Variants in ZRANB1 observed in about 807,000 individuals in gnomAD.
ZRANB1 encodes the protein zinc finger RANBP2-type containing 1.
In ZRANB1, 16 loss-of-function variants were observed where a neutral mutation model predicts 80.5. The observed-to-expected ratio is 0.20, with a 90% CI of 0.13 to 0.30. The LOEUF (loss-of-function observed/expected upper bound fraction) is 0.30. Ranked by LOEUF, ZRANB1 falls within the 10% of genes least tolerant of loss-of-function variation. The pLI is 1.00. For missense variants in ZRANB1, 576 were observed against 862.6 expected (o/e 0.67, Z 4.16); for synonymous variants, 291 against 293.1 (o/e 0.99, Z 0.07).
At chr10:124,929,889 T>C in the ZRANB1 span, among the ~76,000 whole-genome samples, 1 of 140,920 alleles carries the variant, frequency 7.1e-6, no homozygotes, top group African/African-American at 2.7e-5. Context: ...GAGGTTGCAG[T>C]GAGGTGAGAT....
At chr10:124,951,247 T>A (rs934431189) in intron 1 of ZRANB1, among the ~76,000 whole-genome samples, 4 of 152,140 alleles carry the variant, frequency 2.6e-5, no homozygotes, top group African/African-American at 7.2e-5. Context: ...ATGATTTTTT[T>A]AAAAAAAGTT....
At position 124,985,062 on chromosome 10, in the gene ZRANB1, C is replaced by A; in HGVS notation, c.*70C>A. The A allele has an allele frequency of 3.2e-6, 4 of 1,249,464 alleles. No individual in the cohort carries two copies. The highest frequency in any genetic ancestry group is 4.5e-6 in the Non-Finnish European group (4 of 886,550). 77.4% of individuals were successfully genotyped at this position (1,249,464 alleles called of 1,614,324 possible). On this transcript the variant is annotated 3_prime_UTR_variant, in exon 9 of 9. Transcript: ENST00000359653. ...TGACCCTAAAGTTAGTGTGGTGCTC[C>A]AAGCAGAGTCGACATCATGGAATGA...
At chr10:124,947,151 T>C (rs745843278) in intron 1 of ZRANB1, among the ~76,000 whole-genome samples, 2 of 152,182 alleles carry the variant, frequency 1.3e-5, no homozygotes, top group Admixed American at 6.5e-5. Context: ...TATTATCTTA[T>C]GTGGTGAGAG....
chr10:124,973,485 G>A (rs1431337444), intron 3 of ZRANB1, among the ~76,000 whole-genome samples, 160 bp from the exon 4 acceptor site: 4 of 151,300 alleles, frequency 2.6e-5, no homozygotes, highest in Non-Finnish European at 5.9e-5. Flanking sequence ...TATCACACAT[G>A]TTACACTGGT....
chr10:124,970,492 G>A (rs1310927430), intron 2 of ZRANB1, among the ~76,000 whole-genome samples: 1 of 152,034 alleles, frequency 6.6e-6, no homozygotes, highest in African/African-American at 2.4e-5. Flanking sequence ...GAATTCCTGA[G>A]CTCAAATGAT....
chr10:124,972,323 C>T (rs1476610379), intron 3 of ZRANB1, among the ~76,000 whole-genome samples: 1 of 152,186 alleles, frequency 6.6e-6, no homozygotes, highest in Non-Finnish European at 1.5e-5. Flanking sequence ...GAGAGGAAGA[C>T]AGCAGTTGAT....
In ZRANB1 at chr10:124,983,261, C is replaced by G; in HGVS notation, c.1635C>G (p.Tyr545Ter). 6.2e-7 allele frequency: 1 copy of G among 1,614,066 alleles called. No homozygotes were observed. Residue 545 changes from tyrosine to a stop codon, truncating the protein, a stop_gained, in exon 7 of 9, where the codon TAC becomes TAG. Transcript: ENST00000359653. LOFTEE classifies it high-confidence loss of function. This position sits in a 1 kb window ranked among gnomAD's most constrained non-coding sequence, Gnocchi z 6.2. The stretch of plus-strand genomic sequence containing the variant: ...TTATAGTTTATGGAGTAAAATATTA[C>G]AAGAGTTTCCGGGGAGAAACTTTAG... The part of the protein sequence containing the change: ...RPIIVYGVKY[Y>*]KSFRGETLGY...
rs956396008 is a variant in ZRANB1, at chr10:124,983,013, A to G, written c.1549-162A>G. Among the ~76,000 whole-genome samples, 16 of 152,152 alleles carry G rather than the reference A, an allele frequency of 1.1e-4. No individual in the cohort carries two copies. Among genetic ancestry groups the G allele is most frequent in the African/African-American group, 3.9e-4 (16 of 41,432 alleles). ...CTTTATAGATTTCTTTTACAGTTTT[A>G]CTGGATTTATTATTTGAGGAATCAA... On this transcript the variant is annotated intron_variant, in intron 6 of 8. Coordinates refer to ENST00000359653, the MANE Select transcript of ZRANB1 (RefSeq NM_017580.3). This position sits in a 1 kb window ranked among gnomAD's most constrained non-coding sequence, Gnocchi z 6.2.
chr10:124,984,067 G>A (rs1425772257), intron 8 of ZRANB1, among the ~76,000 whole-genome samples: 1 of 152,118 alleles, frequency 6.6e-6, no homozygotes, highest in Admixed American at 6.6e-5. Context: ...GAGGGAGGAA[G>A]GGAGAAGAGG....
intron 1 of ZRANB1, among the ~76,000 whole-genome samples, chr10:124,952,205 G>T (rs1035234666): frequency 6.6e-6 from 1 of 152,142 alleles, no homozygotes; most frequent in African/African-American, 2.4e-5. Flanking sequence ...GCCACCTTAC[G>T]TGGCAAAAGA....
At chr10:124,982,915 G>C (rs1367062744) in intron 6 of ZRANB1, among the ~76,000 whole-genome samples, 1 of 152,200 alleles carries the variant, frequency 6.6e-6, no homozygotes, top group African/African-American at 2.4e-5. Context: ...TTAGTAGTGA[G>C]GGATATTTCA....
chr10:124,967,598 G>A (rs1434713042), intron 2 of ZRANB1, among the ~76,000 whole-genome samples: 1 of 152,172 alleles, frequency 6.6e-6, no homozygotes, highest in Non-Finnish European at 1.5e-5. Context: ...CTGGAGAGGG[G>A]TGAGCCTGGT....
rs971214457 is a variant in ZRANB1 at position 124,987,039 on chromosome 10, A to C, written c.*2047A>C. 1 of 152,596 alleles carries C rather than the reference A, an allele frequency of 6.6e-6. No homozygotes were observed. Among genetic ancestry groups the C allele is most frequent in the Non-Finnish European group, 1.5e-5 (1 of 68,040 alleles). The allele number at this position is 152,596 out of a possible 1,614,324, so 9.5% of individuals were successfully genotyped here. A position where few individuals can be genotyped will look rare whatever the true frequency, so the allele number is the denominator to read the frequency against. On this transcript the variant is annotated 3_prime_UTR_variant, in exon 9 of 9. Coordinates refer to ENST00000359653, the MANE Select transcript of ZRANB1 (RefSeq NM_017580.3). ...TAGGTGCAGCATTCTTCCCTGTGGG[A>C]AAGAATTAAAGATGGTTCCATTTCC...
intron 1 of ZRANB1, among the ~76,000 whole-genome samples, chr10:124,948,910 C>G (rs926080435): frequency 2.6e-5 from 4 of 152,178 alleles, no homozygotes; most frequent in Admixed American, 6.5e-5. Context: ...AAACCTTTAT[C>G]CTACTCCTCC....
intron 2 of ZRANB1, among the ~76,000 whole-genome samples, chr10:124,967,478 C>T (rs1029141779): frequency 2.0e-5 from 3 of 152,134 alleles, no homozygotes; most frequent in Non-Finnish European, 2.9e-5. Context: ...GGCTGGATTA[C>T]GAAGGATCTT....
Position 124,966,587 on chromosome 10 carries a change from G to A in ZRANB1, c.815-7G>A, listed in dbSNP as rs752409381. On this transcript the variant is annotated splice_region_variant and splice_polypyrimidine_tract_variant and intron_variant, in intron 1 of 8. Coordinates refer to ENST00000359653, the MANE Select transcript of ZRANB1 (RefSeq NM_017580.3). The stretch of plus-strand genomic sequence containing the variant: ...TAAATGCTTTTCTATCTTGATGCTT[G>A]TTTTAGGGGTTGTAGAAGGTGATTT... 3.1e-6 allele frequency: 5 copies of A among 1,610,146 alleles called. No individual in the cohort carries two copies. Among genetic ancestry groups the A allele is most frequent in the African/African-American group, 1.3e-5 (1 of 74,842 alleles).
intron 1 of ZRANB1, 113 bp downstream of exon 1, chr10:124,943,420 AC>A: frequency 9.8e-7 from 1 of 1,025,614 alleles, no homozygotes; most frequent in Non-Finnish European, 1.4e-6. Flanking sequence ...CTTGCTTGAA[AC>A]CAGGAGTTTG....
intron 1 of ZRANB1, among the ~76,000 whole-genome samples, chr10:124,957,511 T>C (rs1951696322): frequency 6.6e-6 from 1 of 152,136 alleles, no homozygotes; most frequent in South Asian, 2.1e-4. Flanking sequence ...TCTCTAGAGC[T>C]TTTTTACATC....
Position 124,942,844 on chromosome 10 carries a change from A to G in ZRANB1, c.351A>G (p.Thr117=). Residue 117 remains threonine, a synonymous_variant, in exon 1 of 9, where the codon ACA becomes ACG. Coordinates refer to ENST00000359653, the MANE Select transcript of ZRANB1 (RefSeq NM_017580.3). ...CLSQRRTRSP[T]ESPQSSGSGS... Reference sequence around the variant, plus strand: ...CCCAACGTAGGACCAGGAGTCCTACAGAATCTCCTCAGTCCTCAGGATCTG... The same window carrying G: ...CCCAACGTAGGACCAGGAGTCCTACGGAATCTCCTCAGTCCTCAGGATCTG... 1.2e-6 allele frequency: 2 copies of G among 1,614,256 alleles called. No homozygotes were observed. The highest frequency in any genetic ancestry group is 1.3e-5 in the African/African-American group (1 of 75,074).
Sources: gnomAD v4.1 joint callset for allele counts (sites outside exome capture counted in the v4.1 genomes callset) on GRCh38, gnomAD v4.1.1 for gene constraint, Gnocchi (gnomAD v3.1) non-coding constraint, MANE v1.5 for transcripts, NCBI Gene and HGNC (gene_info 2026-07-23, HGNC 2026-07-21) for gene names.